TEAD3: variants seen among roughly 807,000 people sequenced by gnomAD.
TEAD3 encodes the protein TEA domain transcription factor 3, also known as transcriptional enhancer factor TEF-5.
Under a neutral mutation model 55.6 loss-of-function variants are expected in TEAD3, and 15 were observed. That is an observed-to-expected ratio of 0.27 (90% confidence interval 0.18 to 0.42). TEAD3 has a LOEUF of 0.42. Among genes scored for constraint, TEAD3 ranks in the 10% least tolerant of loss-of-function variants. The probability of loss-of-function intolerance (pLI) is 1.00; values close to 1 mark genes in which losing one functional copy is unlikely to be tolerated. For synonymous variants in TEAD3, 210 were observed against 232.2 expected, an observed-to-expected ratio of 0.90 and a Z score of 0.87; for missense variants, 407 against 576.8, an observed-to-expected ratio of 0.71 and a Z score of 3.01.
chr6:35,492,701 G>A (rs1768553016), intron 1 of TEAD3, among the ~76,000 whole-genome samples: 1 of 151,004 alleles, frequency 6.6e-6, no homozygotes, highest in South Asian at 2.1e-4. Flanking sequence ...GCTTTCTCAG[G>A]GAGCAGAGGG....
intron 5 of TEAD3, among the ~76,000 whole-genome samples, chr6:35,479,045 A>C (rs1180558852): frequency 6.6e-6 from 1 of 151,710 alleles, no homozygotes; most frequent in East Asian, 1.9e-4. Flanking sequence ...ATGCCTGGCT[A>C]ATTTTTGTAT....
intron 4 of TEAD3, 66 bp from the exon 5 acceptor site, chr6:35,479,382 C>A: frequency 6.3e-7 from 1 of 1,596,384 alleles, no homozygotes; most frequent in Non-Finnish European, 8.6e-7. Flanking sequence ...GGCTGAGGGA[C>A]GTCTTTGCGC....
exon 10 of TEAD3, chr6:35,476,047 A>G (rs751081517): frequency 1.3e-6 from 2 of 1,547,038 alleles, no homozygotes; most frequent in Non-Finnish European, 1.7e-6. Context: ...GGGTCTGAGA[A>G]GGCGGGGTTC....
chr6:35,495,710 C>T (rs1017352995), intron 1 of TEAD3, among the ~76,000 whole-genome samples: 3 of 152,198 alleles, frequency 2.0e-5, no homozygotes, highest in Admixed American at 6.5e-5. Context: ...GCCTCCCCTC[C>T]TTGCCCCAGG....
At chr6:35,480,262 G>T in intron 3 of TEAD3, 50 bp downstream of exon 4, 1 of 1,601,152 alleles carries the variant, frequency 6.2e-7, no homozygotes, top group Non-Finnish European at 8.5e-7. Flanking sequence ...ATAGCGCCGT[G>T]GGTGAGGGGC....
chr6:35,477,965 C>T (rs1378913688), intron 7 of TEAD3, among the ~76,000 whole-genome samples: 1 of 151,862 alleles, frequency 6.6e-6, no homozygotes, highest in Non-Finnish European at 1.5e-5. Flanking sequence ...CCTAGCCTGC[C>T]TTGGCCTCCC....
chr6:35,494,665 C>T (rs1336283217), intron 1 of TEAD3, among the ~76,000 whole-genome samples: 2 of 152,178 alleles, frequency 1.3e-5, no homozygotes, highest in Non-Finnish European at 2.9e-5. Flanking sequence ...CTCTCCCCAT[C>T]CTGGGCGGGG....
chr6:35,478,259 G>A lies in TEAD3; in HGVS notation c.530+16C>T, dbSNP rs1425990155. 5.6e-6 allele frequency: 9 copies of A among 1,612,830 alleles called. No homozygotes were observed. Among genetic ancestry groups the A allele is most frequent in the African/African-American group, 2.7e-5 (2 of 74,892 alleles). On this transcript the variant is annotated intron_variant, in intron 7 of 12. Coordinates refer to ENST00000639578, the Ensembl canonical transcript of TEAD3. ...CAGGAGGAAGAGGGCGTGGGATGAT[G>A]AGCCACAATACTCACTCCTGAGAGG...
chr6:35,492,262 G>T (rs561920842), intron 1 of TEAD3, among the ~76,000 whole-genome samples: 46 of 152,324 alleles, frequency 3.0e-4, no homozygotes, highest in Non-Finnish European at 5.7e-4. Flanking sequence ...CAGCCGGGGG[G>T]GTCGAGGATG....
At chr6:35,494,447 A>G (rs1338011181) in intron 1 of TEAD3, among the ~76,000 whole-genome samples, 3 of 152,136 alleles carry the variant, frequency 2.0e-5, no homozygotes, top group Admixed American at 1.3e-4. Flanking sequence ...GGGCTGGCAC[A>G]ACACCAGGAG....
chr6:35,489,048 C>T (rs571534339), intron 1 of TEAD3, among the ~76,000 whole-genome samples: 4 of 152,352 alleles, frequency 2.6e-5, no homozygotes, highest in South Asian at 2.1e-4. Flanking sequence ...TGAGCCACTG[C>T]GCCCGGCCCT....
chr6:35,474,682 C>T, downstream of TEAD3: 1 of 234,192 alleles, frequency 4.3e-6, no homozygotes, highest in Non-Finnish European at 8.4e-6. Flanking sequence ...CCCTCACCTG[C>T]CCATCATGCT....
chr6:35,482,530 C>G (rs1167687439), intron 3 of TEAD3, among the ~76,000 whole-genome samples: 1 of 152,118 alleles, frequency 6.6e-6, no homozygotes, highest in Admixed American at 6.5e-5. Flanking sequence ...TCTCAGGATG[C>G]TAGGCAGGAG....
intron 7 of TEAD3, among the ~76,000 whole-genome samples, chr6:35,477,850 T>G (rs762340708): frequency 8.6e-5 from 13 of 151,788 alleles, no homozygotes; most frequent in Non-Finnish European, 1.8e-4. Flanking sequence ...TTTTTTTTTC[T>G]TTTTTCAGAG....
rs1035435050 is a variant in TEAD3 at position 35,485,135 on chromosome 6, G to GTCGCT, written c.203-512_203-511insAGCGA. On this transcript the variant is annotated intron_variant, in intron 2 of 12. Transcript: ENST00000639578. The surrounding 1 kb of genome is among the most constrained non-coding windows in gnomAD (Gnocchi z 4.3). ...CTTGCTCTGTCTTTACCCTGGTCAA[G>GTCGCT]TCCCTTCCCTTCTCTGGTAAAAGAC... is the stretch of plus-strand genomic sequence containing the variant. Among the ~76,000 whole-genome samples the GTCGCT allele has an allele frequency of 7.2e-5, 11 of 152,168 alleles. No homozygotes were observed. The highest frequency in any genetic ancestry group is 2.7e-4 in the African/African-American group (11 of 41,430).
intron 1 of TEAD3, among the ~76,000 whole-genome samples, chr6:35,492,429 A>T (rs540193255): frequency 4.2e-4 from 64 of 151,936 alleles, no homozygotes; most frequent in African/African-American, 1.4e-3. Flanking sequence ...GCAAGTAGGG[A>T]TGTATCTGTC....
intron 4 of TEAD3, 128 bp from the exon 5 acceptor site, chr6:35,479,444 C>A: frequency 1.7e-6 from 2 of 1,170,364 alleles, no homozygotes; most frequent in South Asian, 2.7e-5. Context: ...CCCAAGGAAG[C>A]TCAGCAGACC....
intron 4 of TEAD3, among the ~76,000 whole-genome samples, chr6:35,479,860 G>C (rs1768231003): frequency 6.6e-6 from 1 of 152,222 alleles, no homozygotes; most frequent in South Asian, 2.1e-4. Flanking sequence ...AGGAGGGGTG[G>C]GCCTTAGTGG....
intron 3 of TEAD3, among the ~76,000 whole-genome samples, chr6:35,482,588 G>A (rs75998963): frequency 0.011 from 1,650 of 152,220 alleles, 31 homozygotes; most frequent in African/African-American, 0.036. Flanking sequence ...TGTGCCCCAC[G>A]TCTGCAATCC....
Sources: allele counts gnomAD v4.1 joint callset (sites outside exome capture counted in the v4.1 genomes callset), GRCh38; gene constraint gnomAD v4.1.1; non-coding constraint Gnocchi (gnomAD v3.1); transcripts MANE v1.5; gene names NCBI Gene and HGNC (gene_info 2026-07-23, HGNC 2026-07-21).